FBLN7: variants seen among roughly 807,000 people sequenced by gnomAD.
FBLN7 encodes the protein fibulin 7.
In FBLN7, 31 loss-of-function variants were observed where a neutral mutation model predicts 44.0. That is an observed-to-expected ratio of 0.70 (90% CI 0.53 to 0.95). The LOEUF (loss-of-function observed/expected upper bound fraction) is 0.95. FBLN7 is among the 40% of genes least tolerant of loss of function. The pLI is 0.00. For synonymous variants in FBLN7, 262 were observed against 253.4 expected (o/e 1.03, Z -0.32); for missense variants, 573 against 618.5 (o/e 0.93, Z 0.78).
intron 3 of FBLN7, among the ~76,000 whole-genome samples, chr2:112,167,884 T>TTTATGTTATGTTATGTTATGTTAC (rs1553476211): frequency 4.3e-4 from 14 of 32,300 alleles, no homozygotes; most frequent in Admixed American, 3.0e-3. Flanking sequence ...TGTTATGTTA[T>TTTATGTTATGTTATGTTATGTTAC]GTTATGTTAT....
intron 5 of FBLN7, 37 bp downstream of exon 5, chr2:112,181,913 C>A: frequency 6.6e-7 from 1 of 1,524,426 alleles, no homozygotes; most frequent in East Asian, 2.5e-5. Flanking sequence ...GGGGACAGCA[C>A]GGGGAGGACA....
chr2:112,212,795 T>C, the FBLN7 span: 2 of 152,188 alleles, frequency 1.3e-5, no homozygotes, highest in Middle Eastern at 3.4e-3. Flanking sequence ...TTAAAATGCA[T>C]AGACACAATC....
the FBLN7 span, among the ~76,000 whole-genome samples, chr2:112,210,262 G>A: frequency 6.6e-6 from 1 of 152,064 alleles, no homozygotes; most frequent in East Asian, 1.9e-4. Context: ...GCAGTAGGTA[G>A]CTGCAGTGGC....
At chr2:112,181,598 GTC>G (rs1682995532) in intron 4 of FBLN7, 139 bp from the exon 5 acceptor site, 2 of 1,087,098 alleles carry the variant, frequency 1.8e-6, no homozygotes, top group East Asian at 6.5e-5. Context: ...TTGATTACTT[GTC>G]TCTCCTTTCC....
chr2:112,184,835 A>T (rs1032700092), intron 6 of FBLN7, among the ~76,000 whole-genome samples: 4 of 143,480 alleles, frequency 2.8e-5, no homozygotes, highest in Non-Finnish European at 4.5e-5. Context: ...ATACATATAT[A>T]TACACACACA....
downstream of FBLN7, among the ~76,000 whole-genome samples, chr2:112,192,835 C>T (rs1160358406): frequency 6.6e-6 from 1 of 152,166 alleles, no homozygotes; most frequent in East Asian, 1.9e-4. Context: ...CGTGAATATT[C>T]CTGAATGTCT....
At chr2:112,144,585 C>T (rs1389062924) in intron 1 of FBLN7, among the ~76,000 whole-genome samples, 3 of 142,372 alleles carry the variant, frequency 2.1e-5, no homozygotes, top group Non-Finnish European at 3.0e-5. Context: ...AGTGCAGTGG[C>T]GTGATCTTGG....
At chr2:112,207,797 A>C in the FBLN7 span, among the ~76,000 whole-genome samples, 1 of 152,212 alleles carries the variant, frequency 6.6e-6, no homozygotes, top group South Asian at 2.1e-4. Flanking sequence ...TTTGCTCTGA[A>C]GTCTATTTTA....
chr2:112,181,760 C>G lies in FBLN7; in HGVS notation c.554C>G (p.Ala185Gly), dbSNP rs1246597308. ...AQTAAPEGSV[A>G]GDSAFSRAPR... ...GCAGCCGCCCCCGAGGGCAGCGTGG[C>G]CGGCGACTCCGCCTTCAGCCGCGCG... The change falls in exon 5 of 8, where the codon GCC (alanine) becomes GGC (glycine). Residue 185 changes from alanine (A) to glycine (G), a missense_variant. Ala to Gly is a moderately conservative substitution (Grantham distance 60). Transcript: ENST00000331203. 1.7e-5 allele frequency: 24 copies of G among 1,406,364 alleles called. No individual in the cohort carries two copies. In the East Asian group the frequency reaches 7.0e-4, roughly 41 times the overall value. The allele number at this position is 1,406,364 out of a possible 1,614,324, so 87.1% of individuals were successfully genotyped here. A position where few individuals can be genotyped will look rare whatever the true frequency, so the allele number is the denominator to read the frequency against.
At chr2:112,222,727 C>CAA in the FBLN7 span, among the ~76,000 whole-genome samples, 1 of 152,118 alleles carries the variant, frequency 6.6e-6, no homozygotes, top group Non-Finnish European at 1.5e-5. Context: ...GTCAAAATCA[C>CAA]AAGAGACAGA....
At chr2:112,197,272 CACAG>C in the FBLN7 span, among the ~76,000 whole-genome samples, 45 of 119,918 alleles carry the variant, frequency 3.8e-4, no homozygotes, top group African/African-American at 1.1e-3. Context: ...CACACACACA[CACAG>C]AGAGAGAGAG....
intron 2 of FBLN7, among the ~76,000 whole-genome samples, chr2:112,162,318 CT>C (rs557275122): frequency 0.047 from 6,538 of 138,008 alleles, 370 homozygotes; most frequent in African/African-American, 0.14. Context: ...CCTGTTTTGC[CT>C]TTTTTTTTTT....
intron 6 of FBLN7, among the ~76,000 whole-genome samples, chr2:112,184,150 G>C (rs1014084825): frequency 2.6e-5 from 4 of 152,172 alleles, no homozygotes; most frequent in African/African-American, 9.7e-5. Context: ...GCTCCTGCAG[G>C]CATACCTCAC....
In FBLN7 at chr2:112,175,644, A is replaced by T. The variant is rs943568851; in HGVS notation, c.407-70A>T. On this transcript the variant is annotated intron_variant, in intron 3 of 7. Transcript: ENST00000331203. ...ATGTAAAGGAAGTTAACCCTTCATC[A>T]GTTTTTTATTGTATTTGTTTTAGAC... 10 of 1,571,864 alleles carry T rather than the reference A, an allele frequency of 6.4e-6. No homozygotes were observed. In the East Asian group the frequency reaches 2.2e-4, roughly 35 times the overall value.
the FBLN7 span, among the ~76,000 whole-genome samples, chr2:112,239,179 A>G: frequency 6.6e-6 from 1 of 152,240 alleles, no homozygotes; most frequent in Non-Finnish European, 1.5e-5. Flanking sequence ...GAACCCAGGC[A>G]TGGGAGCTAA....
chr2:112,154,318 G>A (rs535658777), intron 1 of FBLN7, among the ~76,000 whole-genome samples: 6 of 152,290 alleles, frequency 3.9e-5, no homozygotes, highest in Non-Finnish European at 7.3e-5. Context: ...CCATTTGAGG[G>A]GATCTCTCTA....
chr2:112,226,426 A>T, the FBLN7 span, among the ~76,000 whole-genome samples: 1 of 151,940 alleles, frequency 6.6e-6, no homozygotes, highest in South Asian at 2.1e-4. Context: ...GTCTCTACTA[A>T]AAATACAAAA....
intron 1 of FBLN7, among the ~76,000 whole-genome samples, chr2:112,140,862 C>CAT (rs956942652): frequency 6.6e-6 from 1 of 152,222 alleles, no homozygotes; most frequent in Non-Finnish European, 1.5e-5. Context: ...TTCTTAAACA[C>CAT]ATATACAGGC....
chr2:112,227,063 A>G, the FBLN7 span, among the ~76,000 whole-genome samples: 2 of 152,258 alleles, frequency 1.3e-5, no homozygotes, highest in Admixed American at 1.3e-4. Context: ...TAGAGTATCT[A>G]TAAAAACCTA....
Sources: gnomAD v4.1 joint callset for allele counts (sites outside exome capture counted in the v4.1 genomes callset) on GRCh38, gnomAD v4.1.1 for gene constraint, MANE v1.5 for transcripts, NCBI Gene and HGNC (gene_info 2026-07-23, HGNC 2026-07-21) for gene names.